ISM1: variants seen among roughly 807,000 people sequenced by gnomAD.
The protein encoded by ISM1 is isthmin 1, also known as isthmin-1.
ISM1 carries 25 observed loss-of-function variants against 46.3 expected under a neutral mutation model. The ratio of observed to expected loss-of-function variants is 0.54; its 90% CI spans 0.39 to 0.75. The LOEUF (loss-of-function observed/expected upper bound fraction) is 0.75. ISM1 is among the 30% of genes least tolerant of loss of function. ISM1 has a pLI of 0.00. For synonymous variants in ISM1, 255 were observed against 256.7 expected, an observed-to-expected ratio of 0.99 and a Z score of 0.06; for missense variants, 536 against 625.4, an observed-to-expected ratio of 0.86 and a Z score of 1.52.
intron 2 of ISM1, among the ~76,000 whole-genome samples, chr20:13,275,130 C>A (rs577085655): frequency 9.8e-5 from 15 of 152,292 alleles, no homozygotes; most frequent in African/African-American, 3.6e-4. Flanking sequence ...AAAATATTCT[C>A]TTTTCTGGAT....
At chr20:13,251,825 G>A (rs1390698598) in intron 1 of ISM1, among the ~76,000 whole-genome samples, 5 of 152,130 alleles carry the variant, frequency 3.3e-5, no homozygotes, top group African/African-American at 9.7e-5. Flanking sequence ...TGGGGAGGGT[G>A]AGCACTTAGA....
At chr20:13,321,260 A>T in the ISM1 span, among the ~76,000 whole-genome samples, 1 of 148,472 alleles carries the variant, frequency 6.7e-6, no homozygotes, top group Non-Finnish European at 1.5e-5. Context: ...ACATAAAAAA[A>T]AAAAAAAAAA....
chr20:13,270,476 C>A, intron 1 of ISM1, 28 bp from the exon 2 acceptor site: 1 of 1,592,416 alleles, frequency 6.3e-7, no homozygotes, highest in Non-Finnish European at 8.6e-7. Flanking sequence ...GTCTCCTTAA[C>A]AGGTGTTTGC....
intron 1 of ISM1, among the ~76,000 whole-genome samples, chr20:13,242,630 G>A (rs2039740497): frequency 6.6e-6 from 1 of 152,286 alleles, no homozygotes; most frequent in Non-Finnish European, 1.5e-5. Flanking sequence ...TGATGGGAAT[G>A]GTCCTGCACT....
At chr20:13,311,216 T>TTA in the ISM1 span, among the ~76,000 whole-genome samples, 2 of 133,298 alleles carry the variant, frequency 1.5e-5, no homozygotes, top group East Asian at 4.1e-4. Context: ...TATAGATAGA[T>TTA]GATAGATAGA....
intron 1 of ISM1, among the ~76,000 whole-genome samples, chr20:13,268,114 G>GTCTTCTCTCC: frequency 7.1e-6 from 1 of 140,392 alleles, no homozygotes. Context: ...CTCCTCTCCT[G>GTCTTCTCTCC]TCTTCTCTTC....
At chr20:13,319,562 G>A in the ISM1 span, among the ~76,000 whole-genome samples, 6 of 152,140 alleles carry the variant, frequency 3.9e-5, no homozygotes, top group South Asian at 1.2e-3. Context: ...AGAAAGACAG[G>A]CAAAATGGCA....
rs570944799 is a variant in ISM1 at position 13,275,752 on chromosome 20, T to G, written c.379-3882T>G. 4.6e-5 allele frequency among the ~76,000 whole-genome samples: 7 copies of G among 152,320 alleles called. No homozygotes were observed. In the East Asian group the frequency reaches 1.3e-3, roughly 29 times the overall value. On this transcript the variant is annotated intron_variant, in intron 2 of 5. Coordinates refer to ENST00000262487, the MANE Select transcript of ISM1 (RefSeq NM_080826.2). ...TATAGGATAAGCTTCCTAGAACGGATAGATGCTCGTTGGTGATGATATTGG... is the reference window on the plus strand; with the variant it reads ...TATAGGATAAGCTTCCTAGAACGGAGAGATGCTCGTTGGTGATGATATTGG...
At chr20:13,250,237 A>C (rs1335853298) in intron 1 of ISM1, among the ~76,000 whole-genome samples, 2 of 152,140 alleles carry the variant, frequency 1.3e-5, no homozygotes, top group Admixed American at 6.5e-5. Context: ...CCATTATCAG[A>C]TTATACACTG....
chr20:13,277,956 G>T (rs138192506), intron 2 of ISM1, among the ~76,000 whole-genome samples: 55 of 152,306 alleles, frequency 3.6e-4, no homozygotes, highest in Middle Eastern at 3.4e-3. Flanking sequence ...CAAAAGGAAG[G>T]GGTTATTTGT....
chr20:13,313,999 G>C, the ISM1 span, among the ~76,000 whole-genome samples: 2 of 152,178 alleles, frequency 1.3e-5, no homozygotes, highest in African/African-American at 4.8e-5. Flanking sequence ...GGATGCTTTT[G>C]ATGGGCTTTT....
chr20:13,286,232 C>T (rs183816780), intron 3 of ISM1, among the ~76,000 whole-genome samples: 1 of 152,104 alleles, frequency 6.6e-6, no homozygotes, highest in East Asian at 2.0e-4. Flanking sequence ...CTGGATGCTT[C>T]TCTGACAAGT....
chr20:13,279,155 C>T (rs1476046214), intron 2 of ISM1, among the ~76,000 whole-genome samples: 1 of 152,050 alleles, frequency 6.6e-6, no homozygotes, highest in African/African-American at 2.4e-5. Flanking sequence ...ACAGGTGGAG[C>T]ATTTAGGATA....
Position 13,288,636 on chromosome 20 carries a change from C to T in ISM1, c.740C>T (p.Ala247Val), listed in dbSNP as rs376275248. Residue 247 changes from alanine to valine, a missense_variant, in exon 4 of 6, where the codon GCG becomes GTG. Physicochemically the swap from Ala to Val is moderately conservative, Grantham distance 64. Around this residue, in one of 2 missense-constraint regions of ISM1, gnomAD observed 367 missense variants for 376.1 expected, o/e 0.98. Transcript: ENST00000262487. ...NQKRTRSCGY[A>V]CTATESRTCD... ...AAACGGACCCGGTCTTGTGGCTACGCGTGCACTGCAACAGAATCGAGGACC... is the reference window on the plus strand; with the variant it reads ...AAACGGACCCGGTCTTGTGGCTACGTGTGCACTGCAACAGAATCGAGGACC... 34 of 1,613,878 alleles carry T rather than the reference C, an allele frequency of 2.1e-5. No homozygotes were observed. The highest frequency in any genetic ancestry group is 1.0e-4 in the Admixed American group (6 of 60,006).
At chr20:13,255,918 T>C (rs1331734653) in intron 1 of ISM1, among the ~76,000 whole-genome samples, 2 of 129,018 alleles carry the variant, frequency 1.6e-5, no homozygotes, top group Non-Finnish European at 3.2e-5. Flanking sequence ...TTAGTAAAGT[T>C]CCTGGGGTTT....
chr20:13,309,859 A>C, the ISM1 span, among the ~76,000 whole-genome samples: 1 of 150,350 alleles, frequency 6.7e-6, no homozygotes, highest in African/African-American at 2.5e-5. Context: ...ATCAAAAAAA[A>C]CTAAGGATGA....
intron 1 of ISM1, among the ~76,000 whole-genome samples, chr20:13,226,202 T>G (rs1455570992): frequency 3.3e-5 from 5 of 152,270 alleles, no homozygotes; most frequent in African/African-American, 1.2e-4. Context: ...ATGAACACTT[T>G]CCATCTTTTA....
In ISM1 at chr20:13,224,932, A is replaced by G. The variant is rs1175262345; in HGVS notation, c.138+3018A>G. ...GCGATCTCTGCTCACTGCAACCTCCACTTCCCGGGTTCATGCCATTCTCCT... is the reference window on the plus strand; with the variant it reads ...GCGATCTCTGCTCACTGCAACCTCCGCTTCCCGGGTTCATGCCATTCTCCT... On this transcript the variant is annotated intron_variant, in intron 1 of 5. Transcript: ENST00000262487. 1.8e-4 allele frequency among the ~76,000 whole-genome samples: 24 copies of G among 136,668 alleles called. No individual in the cohort carries two copies. In the East Asian group the frequency reaches 4.0e-3, roughly 23 times the overall value. The allele number at this position is 136,668 out of a possible 152,430, so 89.7% of individuals were successfully genotyped here. A position where few individuals can be genotyped will look rare whatever the true frequency, so the allele number is the denominator to read the frequency against.
At position 13,299,086 on chromosome 20, in the gene ISM1, T is replaced by A. The variant is rs2040434856; in HGVS notation, c.1022T>A (p.Ile341Asn). Residue 341 changes from isoleucine (I) to asparagine (N), a missense_variant, in exon 6 of 6, where the codon ATC (isoleucine) becomes AAC (asparagine). Physicochemically the swap from Ile to Asn is moderately radical, Grantham distance 149 (BLOSUM62 -3). This residue lies in a region of ISM1 where 169 missense variants were observed against 249.3 expected (regional missense o/e 0.68). Transcript: ENST00000262487. The surrounding 1 kb of genome is among the most constrained non-coding windows in gnomAD (Gnocchi z 5.8). The stretch of plus-strand genomic sequence containing the variant: ...AGCACGGCCGACATCTTCGACCGCA[T>A]CAAGCGCAAGGACTTCCGCTGGAAG... ...AYSTADIFDRIKRKDFRWKDA... is the reference protein window; with the variant it reads ...AYSTADIFDRNKRKDFRWKDA... 2 of 1,613,768 alleles carry A rather than the reference T, an allele frequency of 1.2e-6. No individual in the cohort carries two copies. Among genetic ancestry groups the A allele is most frequent in the Non-Finnish European group, 1.7e-6 (2 of 1,179,830 alleles).
Sources: allele counts gnomAD v4.1 joint callset (sites outside exome capture counted in the v4.1 genomes callset), GRCh38; gene constraint gnomAD v4.1.1; regional missense constraint gnomAD v4.1.1; non-coding constraint Gnocchi (gnomAD v3.1); transcripts MANE v1.5; gene names NCBI Gene and HGNC (gene_info 2026-07-23, HGNC 2026-07-21).